CCDC157: variants seen among roughly 807,000 people sequenced by gnomAD.
CCDC157 encodes the protein coiled-coil domain-containing protein 157.
A neutral mutation model predicts 70.9 loss-of-function variants in CCDC157; 60 were observed. The observed-to-expected ratio is 0.85, with a 90% CI of 0.69 to 1.05. CCDC157 has a LOEUF of 1.05. CCDC157 is among the 50% of genes least tolerant of loss of function. The probability of loss-of-function intolerance (pLI) is 0.00; values close to 1 mark genes in which losing one functional copy is unlikely to be tolerated. For synonymous variants in CCDC157, 373 were observed against 422.4 expected, an observed-to-expected ratio of 0.88 and a Z score of 1.43; for missense variants, 943 against 984.2, an observed-to-expected ratio of 0.96 and a Z score of 0.56.
upstream of CCDC157, chr22:30,356,736 G>A: frequency 6.7e-7 from 1 of 1,494,966 alleles, no homozygotes; most frequent in Non-Finnish European, 8.9e-7. Context: ...GTACCTGTTT[G>A]GGCTCCGTGG....
At chr22:30,376,205 T>TG in intron 10 of CCDC157, 54 bp from the exon 11 acceptor site, 2 of 1,503,832 alleles carry the variant, frequency 1.3e-6, no homozygotes, top group South Asian at 2.3e-5. Flanking sequence ...CTCTGTACAG[T>TG]GGGGAGGGGA....
chr22:30,373,613 A>C lies in CCDC157; in HGVS notation c.1352A>C (p.Gln451Pro). The change falls in exon 8 of 12, where the codon CAG becomes CCG. Residue 451 changes from glutamine (Q) to proline (P), a missense_variant. Transcript: ENST00000338306. ...VRHQESLQAK[Q>P]RALLKQLDSL... ...CCTGCTTAGTCTCTGCAGGCCAAGC[A>C]GCGAGCCCTGCTAAAGCAGCTGGAC... 1 of 1,555,066 alleles carries C rather than the reference A, an allele frequency of 6.4e-7. No individual in the cohort carries two copies. Among genetic ancestry groups the C allele is most frequent in the South Asian group, 1.2e-5 (1 of 84,480 alleles).
intron 9 of CCDC157, chr22:30,375,145 G>C: frequency 3.3e-6 from 1 of 300,086 alleles, no homozygotes; most frequent in Non-Finnish European, 6.4e-6. Context: ...TTTTAGTAGA[G>C]ACGGGGTTTC....
At chr22:30,360,059 A>C (rs2145854498) in intron 1 of CCDC157, among the ~76,000 whole-genome samples, 1 of 152,296 alleles carries the variant, frequency 6.6e-6, no homozygotes, top group African/African-American at 2.4e-5. Context: ...GGGGAGGATC[A>C]CTTGAGCCCA....
intron 11 of CCDC157, 41 bp from the exon 12 acceptor site, chr22:30,376,392 C>T (rs749295140): frequency 1.9e-6 from 3 of 1,613,430 alleles, no homozygotes; most frequent in African/African-American, 2.7e-5. Flanking sequence ...GTGGAGTGTT[C>T]CCTGCATTCA....
At chr22:30,375,045 A>C in intron 9 of CCDC157, 1 of 286,500 alleles carries the variant, frequency 3.5e-6, no homozygotes, top group Non-Finnish European at 6.5e-6. Flanking sequence ...TGCAACCTCC[A>C]CCTCCTGGGT....
intron 1 of CCDC157, among the ~76,000 whole-genome samples, chr22:30,358,936 T>C (rs1932143284): frequency 6.6e-6 from 1 of 152,234 alleles, no homozygotes; most frequent in Admixed American, 6.5e-5. Flanking sequence ...TCTGCATGAC[T>C]TCAATTTTCA....
At chr22:30,361,685 C>T (rs1038816512) in intron 1 of CCDC157, among the ~76,000 whole-genome samples, 6 of 152,194 alleles carry the variant, frequency 3.9e-5, no homozygotes, top group Admixed American at 2.0e-4. Flanking sequence ...TGAGTGACCT[C>T]GGGCAAGCTC....
Position 30,369,593 on chromosome 22 carries a change from C to T in CCDC157, c.410C>T (p.Pro137Leu), listed in dbSNP as rs760637343. ...LLRLGTLHQQ[P>L]LPQKGANQRE... The stretch of plus-strand genomic sequence containing the variant: ...AGGCTGGGCACGCTCCACCAGCAGC[C>T]ACTCCCCCAGGTGGGTCCCAGCCTC... The change falls in exon 4 of 12, where the codon CCA becomes CTA. Residue 137 changes from proline to leucine, a missense_variant. Physicochemically the swap from Pro to Leu is moderately conservative, Grantham distance 98. Coordinates refer to ENST00000338306, the MANE Select transcript of CCDC157 (RefSeq NM_001017437.5). 11 of 1,562,138 alleles carry T rather than the reference C, an allele frequency of 7.0e-6. No individual in the cohort carries two copies. The highest frequency in any genetic ancestry group is 2.3e-5 in the South Asian group (2 of 86,040).
At chr22:30,360,663 G>T (rs1932270661) in intron 1 of CCDC157, among the ~76,000 whole-genome samples, 1 of 152,184 alleles carries the variant, frequency 6.6e-6, no homozygotes, top group Non-Finnish European at 1.5e-5. Context: ...TGTAATCCCA[G>T]CACTTTGGAA....
chr22:30,365,142 G>T (rs2145882862), intron 2 of CCDC157, among the ~76,000 whole-genome samples: 1 of 152,360 alleles, frequency 6.6e-6, no homozygotes, highest in South Asian at 2.1e-4. Flanking sequence ...AGCCAGCATG[G>T]AGGGTACTCA....
At chr22:30,356,866 C>G, upstream of CCDC157, 5 of 1,213,822 alleles carry the variant, frequency 4.1e-6, no homozygotes, top group Non-Finnish European at 5.2e-6. Flanking sequence ...CCTCCCCGCT[C>G]GGTCAGTACG....
Position 30,377,801 on chromosome 22 carries a change from CCA to C in CCDC157, c.*1057_*1058del. ...TGAGCCAGAAGGCCTGTGCTCAAGTCCAGGGGAAGGACCTCACAGCTGAGTAG... is the reference window on the plus strand; with the variant it reads ...TGAGCCAGAAGGCCTGTGCTCAAGTCGGGGAAGGACCTCACAGCTGAGTAG... On this transcript the variant is annotated 3_prime_UTR_variant, in exon 12 of 12. Transcript: ENST00000338306. The C allele has an allele frequency of 1.1e-5, 3 of 266,778 alleles. No individual in the cohort carries two copies. Among genetic ancestry groups the C allele is most frequent in the South Asian group, 3.7e-5 (1 of 27,242 alleles). The allele number at this position is 266,778 out of a possible 1,614,324, so 16.5% of individuals were successfully genotyped here. A position where few individuals can be genotyped will look rare whatever the true frequency, so the allele number is the denominator to read the frequency against.
chr22:30,371,108 G>C (rs1350169212), intron 5 of CCDC157, 158 bp downstream of exon 5: 17 of 880,164 alleles, frequency 1.9e-5, no homozygotes, highest in Non-Finnish European at 2.2e-5. Flanking sequence ...AGCAAGGAAG[G>C]GGGTGTTCAT....
chr22:30,372,067 T>C lies in CCDC157; in HGVS notation c.1124-8T>C, dbSNP rs1251302439. On this transcript the variant is annotated splice_region_variant and splice_polypyrimidine_tract_variant and intron_variant, in intron 6 of 11. Transcript: ENST00000338306. The stretch of plus-strand genomic sequence containing the variant: ...CCTACCCCATCCCATGTCCACTTAA[T>C]GCTGCAGAGGCAAAGGCCCAGCAGC... The C allele has an allele frequency of 6.6e-7, 1 of 1,521,100 alleles. No individual in the cohort carries two copies. Among genetic ancestry groups the C allele is most frequent in the Non-Finnish European group, 8.9e-7 (1 of 1,121,822 alleles). The allele number at this position is 1,521,100 out of a possible 1,614,324, so 94.2% of individuals were successfully genotyped here. A position where few individuals can be genotyped will look rare whatever the true frequency, so the allele number is the denominator to read the frequency against.
intron 2 of CCDC157, among the ~76,000 whole-genome samples, chr22:30,364,214 G>A (rs1042383800): frequency 6.6e-6 from 1 of 152,182 alleles, no homozygotes; most frequent in African/African-American, 2.4e-5. Context: ...GCACATGCCT[G>A]TAGTCCTAGC....
intron 3 of CCDC157, 99 bp from the exon 4 acceptor site, chr22:30,369,333 T>A: frequency 1.8e-6 from 2 of 1,106,918 alleles, no homozygotes; most frequent in Non-Finnish European, 2.4e-6. Flanking sequence ...AAGCTCTTGA[T>A]GCCTGGGCCA....
At chr22:30,372,433 G>A in intron 7 of CCDC157, 147 bp downstream of exon 7, 1 of 1,155,800 alleles carries the variant, frequency 8.7e-7, no homozygotes. Flanking sequence ...CACCTTTACA[G>A]AGAGTCTACC....
rs1258347867 is a variant in CCDC157 at position 30,376,153 on chromosome 22, T to A, written c.1858-106T>A. Reference sequence around the variant, plus strand: ...CCCTAGGTGAAAGGGCCCATGGATATGCGCCCGGCCCTTCCCTCCCCATCC... The same window carrying A: ...CCCTAGGTGAAAGGGCCCATGGATAAGCGCCCGGCCCTTCCCTCCCCATCC... On this transcript the variant is annotated intron_variant, in intron 10 of 11. Transcript: ENST00000338306. The A allele has an allele frequency of 1.3e-5, 13 of 1,009,560 alleles. 1 individual carries two copies. Among genetic ancestry groups the A allele is most frequent in the Non-Finnish European group, 1.9e-5 (13 of 671,928 alleles). 62.5% of individuals were successfully genotyped at this position (1,009,560 alleles called of 1,614,324 possible).
Sources: gnomAD v4.1 joint callset for allele counts (sites outside exome capture counted in the v4.1 genomes callset) on GRCh38, gnomAD v4.1.1 for gene constraint, MANE v1.5 for transcripts, NCBI Gene and HGNC (gene_info 2026-07-23, HGNC 2026-07-21) for gene names.